Variants in BMX observed in about 807,000 individuals in gnomAD.
BMX encodes the protein cytoplasmic tyrosine-protein kinase BMX.
In BMX, 31 loss-of-function variants were observed where a neutral mutation model predicts 59.2. The ratio of observed to expected loss-of-function variants is 0.52; its 90% CI spans 0.39 to 0.71. BMX has a LOEUF of 0.71. Ranked by LOEUF, BMX falls within the 30% of genes least tolerant of loss-of-function variation. The pLI is 0.00. For missense variants in BMX, 474 were observed against 491.7 expected (o/e 0.96, Z 0.34); for synonymous variants, 185 against 181.0 (o/e 1.02, Z -0.18).
At chrX:15,517,157 A>C (rs1924199606) in intron 5 of BMX, among the ~76,000 whole-genome samples, 1 of 111,914 alleles carries the variant, frequency 8.9e-6, no homozygotes. Flanking sequence ...TCAATTAATA[A>C]ATATTCATTG....
intron 1 of BMX, 43 bp from the exon 2 acceptor site, chrX:15,508,302 C>T: frequency 1.0e-6 from 1 of 968,159 alleles, no homozygotes; most frequent in Non-Finnish European, 1.4e-6. Flanking sequence ...GAGAACTTAC[C>T]TAGATGCTGC....
At chrX:15,520,774 T>C (rs1173575359) in intron 6 of BMX, among the ~76,000 whole-genome samples, 1 of 111,144 alleles carries the variant, frequency 9.0e-6, no homozygotes, top group Non-Finnish European at 1.9e-5. Context: ...ATTTTCTGAA[T>C]GGAGGAAATA....
chrX:15,555,541 T>C (rs754626746), intron 18 of BMX, among the ~76,000 whole-genome samples: 2 of 111,232 alleles, frequency 1.8e-5, no homozygotes, highest in Non-Finnish European at 3.8e-5. Context: ...AAGTCTACAT[T>C]TGCATTTTTC....
chrX:15,521,188 G>A (rs1263673138), intron 6 of BMX, among the ~76,000 whole-genome samples: 2 of 111,374 alleles, frequency 1.8e-5, no homozygotes, highest in African/African-American at 6.5e-5. Context: ...GAACCCCAGG[G>A]ACACCCTGAT....
At chrX:15,533,196 T>C (rs369644189) in intron 11 of BMX, among the ~76,000 whole-genome samples, 1 of 112,365 alleles carries the variant, frequency 8.9e-6, no homozygotes, top group Non-Finnish European at 1.9e-5. Context: ...TTTAATTTTT[T>C]AGCTTTTATT....
chrX:15,532,810 A>G (rs1276365745), intron 11 of BMX, among the ~76,000 whole-genome samples: 3 of 112,557 alleles, frequency 2.7e-5, no homozygotes, highest in Admixed American at 1.9e-4. Flanking sequence ...AGTGTATCTC[A>G]TATATTATTT....
chrX:15,504,707 G>A (rs1309441907), intron 1 of BMX, among the ~76,000 whole-genome samples: 2 of 112,421 alleles, frequency 1.8e-5, no homozygotes, highest in Non-Finnish European at 3.8e-5. Context: ...AGAGGTTAAC[G>A]AATGGCTGCT....
intron 1 of BMX, among the ~76,000 whole-genome samples, chrX:15,504,017 G>A (rs1294544751): frequency 8.9e-6 from 1 of 111,733 alleles, no homozygotes; most frequent in African/African-American, 3.3e-5. Flanking sequence ...ACTCTAAACA[G>A]CCTGGCACAT....
rs888263181 is a variant in BMX, at chrX:15,553,151, T to C, written c.1954-2922T>C. Reference sequence around the variant, plus strand: ...CTGGATAAATAAAAGCTTTGGATTTTGCATTCAGTGTAGTTAGTTGGATTT... The same window carrying C: ...CTGGATAAATAAAAGCTTTGGATTTCGCATTCAGTGTAGTTAGTTGGATTT... On this transcript the variant is annotated intron_variant, in intron 18 of 18. Coordinates refer to ENST00000348343, the MANE Select transcript of BMX (RefSeq NM_203281.3). Among the ~76,000 whole-genome samples the C allele has an allele frequency of 2.7e-5, 3 of 112,371 alleles. No homozygotes were observed. In the Admixed American group the frequency reaches 2.8e-4, roughly 11 times the overall value.
At chrX:15,511,320 G>T in intron 3 of BMX, 117 bp from the exon 4 acceptor site, 1 of 508,919 alleles carries the variant, frequency 2.0e-6, no homozygotes, top group Non-Finnish European at 3.2e-6. Flanking sequence ...TTCCAGAGCT[G>T]ATGTATACTG....
intron 12 of BMX, among the ~76,000 whole-genome samples, chrX:15,535,111 T>G (rs1347449264): frequency 8.9e-6 from 1 of 112,198 alleles, no homozygotes; most frequent in Non-Finnish European, 1.9e-5. Context: ...ATGTACAGAT[T>G]GCCAACTGCT....
chrX:15,505,459 G>A (rs10521648), intron 1 of BMX, among the ~76,000 whole-genome samples: 10,044 of 111,256 alleles, frequency 0.09, 1,070 homozygotes, highest in African/African-American at 0.3. Flanking sequence ...AACATATTAC[G>A]GACTCAAGTG....
Position 15,526,306 on chromosome X carries a change from T to C in BMX, c.884+211T>C, listed in dbSNP as rs777096939. ...CGAAAATATTTTCCCCAAAACTGGA[T>C]TATCTAAATTGGATGCAAATACTTA... On this transcript the variant is annotated intron_variant, in intron 9 of 18. Transcript: ENST00000348343. Among the ~76,000 whole-genome samples the C allele has an allele frequency of 2.7e-5, 3 of 112,200 alleles. No individual in the cohort carries two copies. The East Asian group carries it at 8.4e-4, about 32-fold the overall frequency.
At chrX:15,543,170 G>T (rs1309339545) in intron 16 of BMX, 35 bp downstream of exon 16, 2 of 1,153,258 alleles carry the variant, frequency 1.7e-6, no homozygotes, top group African/African-American at 1.8e-5. Flanking sequence ...CAGTGAAAGG[G>T]GGATTTCCAT....
chrX:15,532,645 T>C, intron 11 of BMX, among the ~76,000 whole-genome samples: 1 of 112,441 alleles, frequency 8.9e-6, no homozygotes, highest in Middle Eastern at 4.6e-3. Flanking sequence ...CCATGTGCCC[T>C]ACCCCACAGT....
chrX:15,516,553 A>G (rs1439240762), intron 5 of BMX, among the ~76,000 whole-genome samples: 1 of 111,779 alleles, frequency 8.9e-6, no homozygotes. Flanking sequence ...TAAACTCCAA[A>G]AAGGTAGAAT....
intron 9 of BMX, among the ~76,000 whole-genome samples, chrX:15,528,960 A>G (rs1293478090): frequency 4.5e-5 from 5 of 112,211 alleles, no homozygotes; most frequent in African/African-American, 1.6e-4. Context: ...GACTAATAAG[A>G]AAAACGATCA....
Position 15,509,420 on chromosome X carries a change from A to G in BMX, c.230A>G (p.Gln77Arg), listed in dbSNP as rs1923862732. The G allele has an allele frequency of 8.4e-7, 1 of 1,196,312 alleles. No individual in the cohort carries two copies. Among genetic ancestry groups the G allele is most frequent in the Non-Finnish European group, 1.1e-6 (1 of 884,647 alleles). The stretch of plus-strand genomic sequence containing the variant: ...GAGGAGCAGACGCCTGTAGAGAGAC[A>G]GTACCCATTTCAGGTAAAGGGAAGA... The part of the protein sequence containing the change: ...NLEEQTPVER[Q>R]YPFQIVYKDG... The change falls in exon 3 of 19, where the codon CAG becomes CGG. Residue 77 changes from glutamine (Q) to arginine (R), a missense_variant. Coordinates refer to ENST00000348343, the MANE Select transcript of BMX (RefSeq NM_203281.3).
chrX:15,526,153 C>T (rs951538168), intron 9 of BMX, 58 bp downstream of exon 9: 1 of 1,057,430 alleles, frequency 9.5e-7, no homozygotes, highest in Admixed American at 2.4e-5. Context: ...CTTCTACTCT[C>T]TTCCTCAAAG....
Sources: allele counts gnomAD v4.1 joint callset (sites outside exome capture counted in the v4.1 genomes callset), GRCh38; gene constraint gnomAD v4.1.1; transcripts MANE v1.5; gene names NCBI Gene and HGNC (gene_info 2026-07-23, HGNC 2026-07-21).